The following MICAL2 variants were observed in gnomAD, a reference collection of about 807,000 sequenced individuals.
MICAL2 encodes the protein microtubule associated monooxygenase, calponin and LIM domain containing 2, also known as [F-actin]-monooxygenase MICAL2.
A neutral mutation model predicts 127.3 loss-of-function variants in MICAL2; 77 were observed. That is an observed-to-expected ratio of 0.60 (90% confidence interval 0.50 to 0.73). MICAL2 has a LOEUF of 0.73. Among genes scored for constraint, MICAL2 ranks in the 30% least tolerant of loss-of-function variants. The pLI is 0.00. For missense variants in MICAL2, 1,351 were observed against 1,434.4 expected (o/e 0.94, Z 0.94); for synonymous variants, 570 against 551.1 (o/e 1.03, Z -0.48).
downstream of MICAL2, chr11:12,294,736 T>C: frequency 1.9e-6 from 3 of 1,613,680 alleles, no homozygotes; most frequent in Non-Finnish European, 1.7e-6. Context: ...TGCCTGAAGA[T>C]AGTGCGCAGG....
At chr11:12,134,310 T>G (rs1485567579) in intron 1 of MICAL2, among the ~76,000 whole-genome samples, 1 of 152,242 alleles carries the variant, frequency 6.6e-6, no homozygotes, top group Non-Finnish European at 1.5e-5. Context: ...TGGATTTTTT[T>G]TCTGCACCAC....
At chr11:12,216,368 G>A (rs1856157922) in intron 8 of MICAL2, 49 bp downstream of exon 8, 2 of 1,415,902 alleles carry the variant, frequency 1.4e-6, no homozygotes, top group African/African-American at 2.8e-5. Context: ...CTGGGCTGGT[G>A]ACATCAGCAG....
At chr11:12,251,840 G>A (rs771081159) in intron 22 of MICAL2, among the ~76,000 whole-genome samples, 6 of 152,104 alleles carry the variant, frequency 3.9e-5, no homozygotes, top group Admixed American at 2.0e-4. Flanking sequence ...CCCAAGTCAC[G>A]GTTGCTCAGA....
chr11:12,215,874 T>C (rs10831767), intron 7 of MICAL2, among the ~76,000 whole-genome samples: 5,844 of 152,234 alleles, frequency 0.038, 379 homozygotes, highest in African/African-American at 0.13. Flanking sequence ...TGGGCTGGGG[T>C]TCAAATCCCA....
At chr11:12,116,790 C>G (rs1013705109) in intron 1 of MICAL2, 2 of 152,122 alleles carry the variant, frequency 1.3e-5, no homozygotes, top group African/African-American at 2.4e-5. Context: ...AATGAAGAGC[C>G]TTTTGTGATG....
At chr11:12,138,583 C>A (rs1175097798) in intron 2 of MICAL2, 123 bp downstream of exon 2, 1 of 152,276 alleles carries the variant, frequency 6.6e-6, no homozygotes, top group Non-Finnish European at 1.5e-5. Flanking sequence ...CCAGGGCGCG[C>A]TGTTCCCTCT....
chr11:12,168,743 G>A (rs1453643339), intron 3 of MICAL2, among the ~76,000 whole-genome samples: 1 of 151,732 alleles, frequency 6.6e-6, no homozygotes, highest in African/African-American at 2.4e-5. Flanking sequence ...AAAATATAGG[G>A]TGAGACCGGG....
intron 21 of MICAL2, among the ~76,000 whole-genome samples, chr11:12,248,044 T>C (rs1860998132): frequency 6.6e-6 from 1 of 152,176 alleles, no homozygotes; most frequent in African/African-American, 2.4e-5. Flanking sequence ...AATAATAATC[T>C]CCTCATGGGA....
chr11:12,201,380 G>A (rs1290720574), intron 3 of MICAL2, among the ~76,000 whole-genome samples: 3 of 151,794 alleles, frequency 2.0e-5, no homozygotes, highest in Admixed American at 6.6e-5. Context: ...ATGATGGAAC[G>A]TTTGCTAGAG....
intron 22 of MICAL2, 147 bp from the exon 23 acceptor site, chr11:12,255,496 G>T: frequency 1.5e-6 from 1 of 654,162 alleles, no homozygotes; most frequent in Non-Finnish European, 2.7e-6. Context: ...TTCTGCTCCT[G>T]GCTGGTTTTG....
chr11:12,325,716 T>A (rs1415365319), intron 31 of MICAL2, among the ~76,000 whole-genome samples: 3 of 152,202 alleles, frequency 2.0e-5, no homozygotes, highest in Admixed American at 6.5e-5. Flanking sequence ...GCCCCAGCCC[T>A]ATGACTTCAT....
chr11:12,159,726 TA>T (rs1178782214), intron 2 of MICAL2, among the ~76,000 whole-genome samples: 2 of 152,230 alleles, frequency 1.3e-5, no homozygotes, highest in African/African-American at 4.8e-5. Flanking sequence ...CAAAGATAGA[TA>T]AAGACTGAGA....
At position 12,226,217 on chromosome 11, in the gene MICAL2, C is replaced by T. The variant is rs1857426064; in HGVS notation, c.1735C>T (p.Leu579Phe). Residue 579 changes from leucine to phenylalanine, a missense_variant, in exon 14 of 28, where the codon CTC becomes TTC. By Grantham distance (22) the Leu-to-Phe change is conservative (BLOSUM62 0). This residue lies in a region of MICAL2 where 752 missense variants were observed against 719.4 expected (regional missense o/e 1.05). Coordinates refer to ENST00000683283, the MANE Select transcript of MICAL2 (RefSeq NM_001282663.2). ...NEDDAVENNQ[L>F]AFDVAEREFG... ...AGATGATGCTGTGGAGAACAACCAG[C>T]TCGCATTTGATGTGGCCGAGCGAGA... 1 of 1,614,260 alleles carries T rather than the reference C, an allele frequency of 6.2e-7. No individual in the cohort carries two copies. The highest frequency in any genetic ancestry group is 1.3e-5 in the African/African-American group (1 of 75,068).
chr11:12,195,861 CAA>C (rs886079810), intron 3 of MICAL2: 1 of 152,104 alleles, frequency 6.6e-6, no homozygotes. Flanking sequence ...GAGCTGAGGA[CAA>C]AAGGGAAACT....
chr11:12,294,280 C>T, downstream of MICAL2: 1 of 1,614,134 alleles, frequency 6.2e-7, no homozygotes, highest in Non-Finnish European at 8.5e-7. Flanking sequence ...CTCTAGAGCC[C>T]CTCCTTTCCA....
intron 1 of MICAL2, chr11:12,116,962 G>A (rs1480767101): frequency 6.6e-6 from 1 of 152,178 alleles, no homozygotes; most frequent in East Asian, 1.9e-4. Context: ...GAAATTTTTA[G>A]TTTGTTCTTT....
chr11:12,299,941 T>C (rs963578091), intron 29 of MICAL2, among the ~76,000 whole-genome samples: 4 of 152,224 alleles, frequency 2.6e-5, no homozygotes, highest in Non-Finnish European at 4.4e-5. Flanking sequence ...ATTATTGTGG[T>C]AGGCAGAATT....
At chr11:12,330,833 C>CAGAGAG (rs1422663669) in intron 32 of MICAL2, among the ~76,000 whole-genome samples, 3 of 132,638 alleles carry the variant, frequency 2.3e-5, no homozygotes, top group Admixed American at 7.4e-5. Context: ...GAGAGACAGA[C>CAGAGAG]AGAGAGAGAG....
rs532144925 is a variant in MICAL2 at position 12,257,538 on chromosome 11, C to G, written c.3142+567C>G. 7.9e-5 allele frequency among the ~76,000 whole-genome samples: 12 copies of G among 152,288 alleles called. No homozygotes were observed. The South Asian group carries it at 2.3e-3, about 29-fold the overall frequency. ...TCACCTATAACGAGAGGCAGTATAG[C>G]ATGGTGCTCAATACACACCCTCAAA... is the stretch of plus-strand genomic sequence containing the variant. On this transcript the variant is annotated intron_variant, in intron 24 of 27. Coordinates refer to ENST00000683283, the MANE Select transcript of MICAL2 (RefSeq NM_001282663.2).
Sources: gnomAD v4.1 joint callset for allele counts (sites outside exome capture counted in the v4.1 genomes callset) on GRCh38, gnomAD v4.1.1 for gene constraint, gnomAD v4.1.1 regional missense constraint, MANE v1.5 for transcripts, NCBI Gene and HGNC (gene_info 2026-07-23, HGNC 2026-07-21) for gene names.